LRRTM1: variants seen among roughly 807,000 people sequenced by gnomAD.
LRRTM1 encodes leucine rich repeat transmembrane neuronal 1, also known as leucine-rich repeat transmembrane neuronal protein 1.
A neutral mutation model predicts 37.3 loss-of-function variants in LRRTM1; 8 were observed. The ratio of observed to expected loss-of-function variants is 0.21; its 90% CI spans 0.13 to 0.39. The LOEUF is 0.39. Ranked by LOEUF, LRRTM1 falls within the 10% of genes least tolerant of loss-of-function variation. LRRTM1 has a pLI of 1.00. For synonymous variants in LRRTM1, 326 were observed against 316.8 expected (o/e 1.03, Z -0.31); for missense variants, 557 against 691.0 (o/e 0.81, Z 2.17).
chr2:80,295,029 TTTTTC>T (rs1275766096), intron 2 of LRRTM1, among the ~76,000 whole-genome samples: 1 of 152,032 alleles, frequency 6.6e-6, no homozygotes, highest in Non-Finnish European at 1.5e-5. Context: ...CTCTTTTTCT[TTTTTC>T]TTTCTGTTTT....
chr2:80,292,421 C>T (rs914639556), intron 2 of LRRTM1, among the ~76,000 whole-genome samples: 9 of 151,924 alleles, frequency 5.9e-5, no homozygotes. Context: ...AGTTGTTGAC[C>T]CACCCCAACC....
rs1676581022 is a variant in LRRTM1, at chr2:80,303,538, G to T, written c.282C>A (p.Leu94=). The change falls in exon 2 of 2, where the codon CTC becomes CTA. Residue 94 remains leucine (L), a synonymous_variant. Coordinates refer to ENST00000295057, the MANE Select transcript of LRRTM1 (RefSeq NM_178839.5). The surrounding 1 kb of genome is among the most constrained non-coding windows in gnomAD (Gnocchi z 7.7). Reference sequence around the variant, plus strand: ...AGCAGATGTGATTGTGATCCAGATAGAGCCACGTGAGCTGCATTAACCCCG... The same window carrying T: ...AGCAGATGTGATTGTGATCCAGATATAGCCACGTGAGCTGCATTAACCCCG... ...QFTGLMQLTW[L]YLDHNHICSV... 1 of 1,614,258 alleles carries T rather than the reference G, an allele frequency of 6.2e-7. No homozygotes were observed. Among genetic ancestry groups the T allele is most frequent in the Non-Finnish European group, 8.5e-7 (1 of 1,180,054 alleles).
At position 80,302,664 on chromosome 2, in the gene LRRTM1, G is replaced by T. The variant is rs949092895; in HGVS notation, c.1156C>A (p.Pro386Thr). 8 of 1,610,568 alleles carry T rather than the reference G, an allele frequency of 5.0e-6. No individual in the cohort carries two copies. The African/African-American group carries it at 1.1e-4, about 21-fold the overall frequency. ...AGCGTGGTGGCCGAGCTGGCAGGGGGCCCCAGATCACTGCGGTTGGTGACG... is the reference window on the plus strand; with the variant it reads ...AGCGTGGTGGCCGAGCTGGCAGGGGTCCCCAGATCACTGCGGTTGGTGACG... ...SAVTNRSDLG[P>T]PASSATTLAD... is the part of the protein sequence containing the mutation. The change falls in exon 2 of 2, where the codon CCC becomes ACC. Residue 386 changes from proline to threonine, a missense_variant. Physicochemically the swap from Pro to Thr is conservative, Grantham distance 38. This residue lies in a region of LRRTM1 where 89 missense variants were observed against 80.7 expected (regional missense o/e 1.10). Transcript: ENST00000295057. The surrounding 1 kb of genome is among the most constrained non-coding windows in gnomAD (Gnocchi z 6.4).
chr2:80,300,947 C>T (rs1419657997), downstream of LRRTM1, among the ~76,000 whole-genome samples: 1 of 146,656 alleles, frequency 6.8e-6, no homozygotes, highest in Non-Finnish European at 1.5e-5. Flanking sequence ...ACTCTCAACA[C>T]AGAAAAAAAA....
intron 2 of LRRTM1, among the ~76,000 whole-genome samples, chr2:80,296,055 T>C (rs1675711535): frequency 6.6e-6 from 1 of 152,196 alleles, no homozygotes; most frequent in Non-Finnish European, 1.5e-5. Flanking sequence ...TATTTTTTTT[T>C]AGTTTTTTAC....
chr2:80,299,161 T>C (rs1676025087), downstream of LRRTM1: 1 of 152,084 alleles, frequency 6.6e-6, no homozygotes, highest in Non-Finnish European at 1.5e-5. Context: ...CATAATGAGA[T>C]TAGCACCCTC....
At chr2:80,294,868 T>C (rs956621517) in intron 2 of LRRTM1, among the ~76,000 whole-genome samples, 7 of 152,060 alleles carry the variant, frequency 4.6e-5, no homozygotes, top group Non-Finnish European at 8.8e-5. Flanking sequence ...AAAATAACTT[T>C]ACAACATTAC....
chr2:80,302,185 C>A lies in LRRTM1; in HGVS notation c.*66G>T. The A allele has an allele frequency of 1.9e-6, 3 of 1,555,366 alleles. No individual in the cohort carries two copies. Among genetic ancestry groups the A allele is most frequent in the Non-Finnish European group, 2.6e-6 (3 of 1,150,612 alleles). On this transcript the variant is annotated 3_prime_UTR_variant, in exon 2 of 2. Coordinates refer to ENST00000295057, the MANE Select transcript of LRRTM1 (RefSeq NM_178839.5). This position sits in a 1 kb window ranked among gnomAD's most constrained non-coding sequence, Gnocchi z 6.4. ...CAGACAAGGAGACCCCAGCCTGGTG[C>A]CCGCCGGCCCGTCCCGGCTGCCCAG... is the stretch of plus-strand genomic sequence containing the variant.
chr2:80,299,886 C>T (rs200354371), downstream of LRRTM1, among the ~76,000 whole-genome samples: 1 of 152,152 alleles, frequency 6.6e-6, no homozygotes, highest in South Asian at 2.1e-4. Flanking sequence ...CAGCTTTGGG[C>T]GCTGGATTCC....
downstream of LRRTM1, among the ~76,000 whole-genome samples, chr2:80,300,910 T>C (rs1487948393): frequency 1.3e-5 from 2 of 149,548 alleles, 1 homozygote; most frequent in Non-Finnish European, 3.0e-5. Context: ...CCTGGAAACC[T>C]ATGAGGGGTG....
At chr2:80,291,121 C>A (rs1024451743) in intron 2 of LRRTM1, among the ~76,000 whole-genome samples, 2 of 152,192 alleles carry the variant, frequency 1.3e-5, no homozygotes, top group African/African-American at 4.8e-5. Flanking sequence ...TAGTTGCAAA[C>A]GAGAATGTTC....
chr2:80,291,721 A>G (rs768229853), intron 2 of LRRTM1, among the ~76,000 whole-genome samples: 2 of 152,206 alleles, frequency 1.3e-5, no homozygotes, highest in Admixed American at 1.3e-4. Flanking sequence ...GACTATAGAT[A>G]GCAAACAGCT....
Position 80,302,372 on chromosome 2 carries a change from A to G in LRRTM1, c.1448T>C (p.Met483Thr), listed in dbSNP as rs1558983438. The change falls in exon 2 of 2, where the codon ATG (methionine) becomes ACG (threonine). Residue 483 changes from methionine (M) to threonine (T), a missense_variant. Around this residue, in one of 5 missense-constraint regions of LRRTM1, gnomAD observed 90 missense variants for 149.4 expected, o/e 0.60. Transcript: ENST00000295057. The surrounding 1 kb of genome is among the most constrained non-coding windows in gnomAD (Gnocchi z 6.4). Reference protein sequence around the residue: ...QKQTMHQMAAMSAQEYYVDYK... With the variant: ...QKQTMHQMAATSAQEYYVDYK... ...ATCAACGTAGTATTCCTGGGCAGAC[A>G]TGGCAGCCATCTGATGCATGGTCTG... is the stretch of plus-strand genomic sequence containing the variant. 2 of 1,614,236 alleles carry G rather than the reference A, an allele frequency of 1.2e-6. No individual in the cohort carries two copies. The highest frequency in any genetic ancestry group is 1.7e-6 in the Non-Finnish European group (2 of 1,180,038).
rs1676476499 is a variant in LRRTM1 at position 80,302,800 on chromosome 2, C to A, written c.1020G>T (p.Leu340Phe). 1 of 1,613,758 alleles carries A rather than the reference C, an allele frequency of 6.2e-7. No individual in the cohort carries two copies. The highest frequency in any genetic ancestry group is 1.3e-5 in the African/African-American group (1 of 75,072). The change falls in exon 2 of 2, where the codon TTG (leucine) becomes TTT (phenylalanine). Residue 340 changes from leucine (L) to phenylalanine (F), a missense_variant. Around this residue, in one of 5 missense-constraint regions of LRRTM1, gnomAD observed 200 missense variants for 249.9 expected, o/e 0.80. Transcript: ENST00000295057. The surrounding 1 kb of genome is among the most constrained non-coding windows in gnomAD (Gnocchi z 6.4). ...GTGCGTACTCCGGGCTGGCGCACTGCAAGTTGCCATCGTAGCGCCCCTGGA... is the reference window on the plus strand; with the variant it reads ...GTGCGTACTCCGGGCTGGCGCACTGAAAGTTGCCATCGTAGCGCCCCTGGA... ...NNFQGRYDGN[L>F]QCASPEYAQG...
downstream of LRRTM1, chr2:80,298,159 AT>A (rs1335623938): frequency 6.6e-6 from 1 of 152,056 alleles, no homozygotes; most frequent in African/African-American, 2.4e-5. Flanking sequence ...TAATGGTCAT[AT>A]TCTAGCTAAT....
downstream of LRRTM1, among the ~76,000 whole-genome samples, chr2:80,297,669 A>G (rs1046416068): frequency 1.3e-5 from 2 of 152,100 alleles, no homozygotes; most frequent in Admixed American, 1.3e-4. Context: ...ACTTTAATGG[A>G]AAAATACTGA....
At chr2:80,298,514 A>C (rs1214388687), downstream of LRRTM1, 1 of 152,226 alleles carries the variant, frequency 6.6e-6, no homozygotes, top group Non-Finnish European at 1.5e-5. Flanking sequence ...TGACAAGTCG[A>C]CTAAAATAAG....
At position 80,302,478 on chromosome 2, in the gene LRRTM1, C is replaced by T; in HGVS notation, c.1342G>A (p.Val448Met). ...SFLIVVLVLY[V>M]SWKCFPASLR... ...CTGGCTGGGAAACACTTCCAGGACA[C>T]GTAGAGCACCAGGACCACGATGAGG... is the stretch of plus-strand genomic sequence containing the variant. The change falls in exon 2 of 2, where the codon GTG becomes ATG. Residue 448 changes from valine to methionine, a missense_variant. By Grantham distance (21) the Val-to-Met change is conservative. Around this residue, in one of 5 missense-constraint regions of LRRTM1, gnomAD observed 90 missense variants for 149.4 expected, o/e 0.60. Transcript: ENST00000295057. This position sits in a 1 kb window ranked among gnomAD's most constrained non-coding sequence, Gnocchi z 6.4. 6.2e-7 allele frequency: 1 copy of T among 1,613,980 alleles called. No individual in the cohort carries two copies. Among genetic ancestry groups the T allele is most frequent in the Non-Finnish European group, 8.5e-7 (1 of 1,180,034 alleles).
chr2:80,302,630 C>G lies in LRRTM1; in HGVS notation c.1190G>C (p.Gly397Ala), dbSNP rs375294082. 6.8e-6 allele frequency: 11 copies of G among 1,606,642 alleles called. No homozygotes were observed. The highest frequency in any genetic ancestry group is 8.5e-6 in the Non-Finnish European group (10 of 1,178,402). ...TGTGCCGTCGTGCTGCCCCTCCCCG[C>G]CGTCCGCGAGCGTGGTGGCCGAGCT... is the stretch of plus-strand genomic sequence containing the variant. ...PASSATTLAD[G>A]GEGQHDGTFE... The change falls in exon 2 of 2, where the codon GGC (glycine) becomes GCC (alanine). Residue 397 changes from glycine (G) to alanine (A), a missense_variant. Transcript: ENST00000295057. The surrounding 1 kb of genome is among the most constrained non-coding windows in gnomAD (Gnocchi z 6.4).
Sources: allele counts gnomAD v4.1 joint callset (sites outside exome capture counted in the v4.1 genomes callset), GRCh38; gene constraint gnomAD v4.1.1; regional missense constraint gnomAD v4.1.1; non-coding constraint Gnocchi (gnomAD v3.1); transcripts MANE v1.5; gene names NCBI Gene and HGNC (gene_info 2026-07-23, HGNC 2026-07-21).